Variants in TBC1D19 observed in about 807,000 individuals in gnomAD.
TBC1D19 encodes TBC1 domain family, member 19.
Under a neutral mutation model 89.0 loss-of-function variants are expected in TBC1D19, and 60 were observed. The observed-to-expected ratio is 0.67, with a 90% confidence interval of 0.55 to 0.84. The LOEUF (loss-of-function observed/expected upper bound fraction) is 0.84, where lower values mean the gene tolerates loss of function less well. TBC1D19 is among the 40% of genes least tolerant of loss of function. The probability of loss-of-function intolerance (pLI) is 0.00; values close to 1 mark genes in which losing one functional copy is unlikely to be tolerated. For missense variants in TBC1D19, 500 were observed against 610.8 expected (o/e 0.82, Z 1.91); for synonymous variants, 189 against 199.7 (o/e 0.95, Z 0.45).
chr4:26,605,315 G>A (rs1292959312), intron 1 of TBC1D19, among the ~76,000 whole-genome samples: 4 of 145,374 alleles, frequency 2.8e-5, no homozygotes, highest in African/African-American at 1.0e-4. Flanking sequence ...TTGGTTTTTT[G>A]TCCTTGTGAT....
At chr4:26,802,543 A>G in the TBC1D19 span, among the ~76,000 whole-genome samples, 3 of 152,200 alleles carry the variant, frequency 2.0e-5, no homozygotes, top group East Asian at 3.8e-4. Flanking sequence ...CGGAGGTTGC[A>G]GTGAGCCAAG....
intron 1 of TBC1D19, 128 bp downstream of exon 1, chr4:26,584,420 A>C (rs898429534): frequency 2.4e-6 from 2 of 827,832 alleles, no homozygotes; most frequent in Non-Finnish European, 3.7e-6. Flanking sequence ...TCAAAAAACA[A>C]ACAGACAAAA....
At chr4:26,703,184 T>C (rs1307646504) in intron 13 of TBC1D19, among the ~76,000 whole-genome samples, 1 of 152,228 alleles carries the variant, frequency 6.6e-6, no homozygotes, top group East Asian at 1.9e-4. Flanking sequence ...TCTTTGGGAA[T>C]TATGTAAAAA....
chr4:26,689,880 A>G (rs1714122817), intron 13 of TBC1D19, among the ~76,000 whole-genome samples: 1 of 152,212 alleles, frequency 6.6e-6, no homozygotes. Context: ...AATGGAAGTT[A>G]CATGTCTCTG....
chr4:26,839,905 G>A, the TBC1D19 span, among the ~76,000 whole-genome samples: 30 of 152,194 alleles, frequency 2.0e-4, no homozygotes, highest in Admixed American at 9.2e-4. Context: ...CAGGAAGCCT[G>A]TCCAACTGTG....
chr4:26,752,396 A>C (rs907841814), intron 19 of TBC1D19, among the ~76,000 whole-genome samples: 2 of 151,788 alleles, frequency 1.3e-5, no homozygotes, highest in Non-Finnish European at 2.9e-5. Flanking sequence ...GGAATGCACC[A>C]CAGTGGCTGG....
downstream of TBC1D19, among the ~76,000 whole-genome samples, chr4:26,756,300 A>G (rs913224076): frequency 1.3e-5 from 2 of 152,210 alleles, no homozygotes; most frequent in African/African-American, 4.8e-5. Context: ...CACACCCATG[A>G]CTATTATCTA....
At chr4:26,721,225 G>T (rs1387060194) in intron 15 of TBC1D19, among the ~76,000 whole-genome samples, 1 of 151,810 alleles carries the variant, frequency 6.6e-6, no homozygotes, top group Non-Finnish European at 1.5e-5. Context: ...ATATGTCCCA[G>T]CCTGAACTCA....
chr4:26,826,742 C>A, the TBC1D19 span, among the ~76,000 whole-genome samples: 1 of 152,202 alleles, frequency 6.6e-6, no homozygotes, highest in Non-Finnish European at 1.5e-5. Flanking sequence ...GGAAAGACTA[C>A]TGTTTTAACT....
At chr4:26,731,149 A>T (rs773498853) in intron 15 of TBC1D19, among the ~76,000 whole-genome samples, 11 of 152,202 alleles carry the variant, frequency 7.2e-5, no homozygotes, top group Non-Finnish European at 1.6e-4. Flanking sequence ...AATGAGGGCA[A>T]ATCAACTGAA....
At chr4:26,738,421 T>G (rs1341463951) in intron 16 of TBC1D19, among the ~76,000 whole-genome samples, 2 of 151,746 alleles carry the variant, frequency 1.3e-5, no homozygotes, top group African/African-American at 4.8e-5. Context: ...AGTCTTAGAT[T>G]TATAATAATA....
chr4:26,680,026 TAGTG>T (rs1162032535), intron 11 of TBC1D19, among the ~76,000 whole-genome samples: 3 of 152,192 alleles, frequency 2.0e-5, no homozygotes, highest in Non-Finnish European at 4.4e-5. Flanking sequence ...GTTCTCGTGA[TAGTG>T]AGTTAGTTCT....
At chr4:26,746,932 G>A (rs1436773502) in intron 18 of TBC1D19, among the ~76,000 whole-genome samples, 2 of 152,148 alleles carry the variant, frequency 1.3e-5, no homozygotes, top group Non-Finnish European at 2.9e-5. Flanking sequence ...TGACTAACAT[G>A]TGGGTAGCAC....
chr4:26,851,343 A>G, the TBC1D19 span, among the ~76,000 whole-genome samples: 17 of 150,522 alleles, frequency 1.1e-4, no homozygotes, highest in African/African-American at 4.2e-4. Flanking sequence ...CTATCTATCT[A>G]TCTATCTATC....
At chr4:26,818,292 A>T in the TBC1D19 span, among the ~76,000 whole-genome samples, 1 of 152,166 alleles carries the variant, frequency 6.6e-6, no homozygotes, top group Non-Finnish European at 1.5e-5. Context: ...CAGTGGCACA[A>T]TCAGTGCTCA....
At chr4:26,844,608 A>C in the TBC1D19 span, among the ~76,000 whole-genome samples, 1 of 152,264 alleles carries the variant, frequency 6.6e-6, no homozygotes, top group East Asian at 1.9e-4. Context: ...TTGTAAGAAT[A>C]GCTGAAGAAG....
At chr4:26,844,186 A>G in the TBC1D19 span, among the ~76,000 whole-genome samples, 40 of 152,332 alleles carry the variant, frequency 2.6e-4, no homozygotes, top group South Asian at 8.3e-3. Flanking sequence ...AGTGTCTGTT[A>G]GAAGTGCCAG....
chr4:26,824,176 G>A, the TBC1D19 span, among the ~76,000 whole-genome samples: 1 of 152,200 alleles, frequency 6.6e-6, no homozygotes, highest in South Asian at 2.1e-4. Flanking sequence ...CATGGGGAGA[G>A]CATTCCTGAA....
chr4:26,669,677 TATC>T (rs1387407589), intron 9 of TBC1D19, among the ~76,000 whole-genome samples: 3 of 151,830 alleles, frequency 2.0e-5, no homozygotes, highest in African/African-American at 4.8e-5. Context: ...AAAGCACTGT[TATC>T]ATATAGTAAT....
Sources: gnomAD v4.1 joint callset for allele counts (sites outside exome capture counted in the v4.1 genomes callset) on GRCh38, gnomAD v4.1.1 for gene constraint, MANE v1.5 for transcripts, NCBI Gene and HGNC (gene_info 2026-07-23, HGNC 2026-07-21) for gene names.